KLF12: variants seen among roughly 807,000 people sequenced by gnomAD.
KLF12 encodes the protein Krueppel-like factor 12.
Under a neutral mutation model 37.8 loss-of-function variants are expected in KLF12, and 9 were observed. That is an observed-to-expected ratio of 0.24 (90% CI 0.14 to 0.42). The LOEUF (loss-of-function observed/expected upper bound fraction) is 0.42. Ranked by LOEUF, KLF12 falls within the 10% of genes least tolerant of loss-of-function variation. The pLI, the probability that KLF12 is intolerant of heterozygous loss-of-function variation, is 1.00. For synonymous variants in KLF12, 208 were observed against 202.1 expected (o/e 1.03, Z -0.25); for missense variants, 411 against 516.0 (o/e 0.80, Z 1.97).
At chr13:74,110,812 T>C (rs1297718250) in intron 1 of KLF12, among the ~76,000 whole-genome samples, 1 of 152,174 alleles carries the variant, frequency 6.6e-6, no homozygotes, top group East Asian at 1.9e-4. Context: ...CAAGGGTTTG[T>C]AATCTGCAAA....
chr13:74,175,016 C>A, the KLF12 span, among the ~76,000 whole-genome samples: 7 of 152,290 alleles, frequency 4.6e-5, no homozygotes, highest in Admixed American at 1.3e-4. Flanking sequence ...ACCACAGCAC[C>A]CTACAACTCA....
intron 1 of KLF12, among the ~76,000 whole-genome samples, chr13:74,063,651 C>T (rs150139477): frequency 1.2e-3 from 188 of 152,190 alleles, no homozygotes; most frequent in African/African-American, 4.1e-3. Flanking sequence ...CCTTTAAAGG[C>T]AATGTCCTGT....
At chr13:73,711,926 A>G (rs1366987072) in intron 7 of KLF12, among the ~76,000 whole-genome samples, 1 of 152,214 alleles carries the variant, frequency 6.6e-6, no homozygotes, top group African/African-American at 2.4e-5. Context: ...ATAAGTCAAA[A>G]ATCAACATGA....
intron 3 of KLF12, among the ~76,000 whole-genome samples, chr13:73,883,511 A>C (rs2138967337): frequency 6.6e-6 from 1 of 152,306 alleles, no homozygotes; most frequent in Admixed American, 6.5e-5. Flanking sequence ...CCTAAGATCA[A>C]GCACAAAAGG....
chr13:73,829,982 G>C (rs1310442221), intron 4 of KLF12, among the ~76,000 whole-genome samples: 1 of 152,160 alleles, frequency 6.6e-6, no homozygotes. Flanking sequence ...TGTAAATTAT[G>C]ATTGAAAGGA....
the KLF12 span, among the ~76,000 whole-genome samples, chr13:74,194,502 A>ACT: frequency 9.2e-5 from 14 of 152,192 alleles, no homozygotes; most frequent in Admixed American, 8.5e-4. Flanking sequence ...CTCATAGGGC[A>ACT]GGAGGGAGGA....
the KLF12 span, among the ~76,000 whole-genome samples, chr13:74,204,815 G>A: frequency 9.5e-3 from 1,440 of 152,222 alleles, 10 homozygotes; most frequent in Non-Finnish European, 0.016. Flanking sequence ...TCATCACTGC[G>A]TATTTGGGAT....
chr13:74,014,696 C>T (rs1405227380), intron 1 of KLF12, among the ~76,000 whole-genome samples: 1 of 152,178 alleles, frequency 6.6e-6, no homozygotes, highest in Non-Finnish European at 1.5e-5. Context: ...ATTTTCAGTG[C>T]CTTCGCAGTT....
chr13:73,786,196 T>C (rs953079772), intron 5 of KLF12, among the ~76,000 whole-genome samples: 6 of 152,078 alleles, frequency 3.9e-5, no homozygotes, highest in Non-Finnish European at 8.8e-5. Context: ...GTGGCAGAGG[T>C]GTTTTGCTAG....
the KLF12 span, among the ~76,000 whole-genome samples, chr13:74,244,904 C>A: frequency 6.6e-6 from 1 of 152,136 alleles, no homozygotes; most frequent in African/African-American, 2.4e-5. Context: ...TAGGGAACCA[C>A]TGGTGGATTT....
Position 73,964,594 on chromosome 13 carries a change from T to C in KLF12, c.34-20524A>G, listed in dbSNP as rs1219393762. Reference sequence around the variant, plus strand: ...ACCATCCTGGCTAACATGGTGAAACTCCGTCTCTACTTAAAAAAAAAAAAA... The same window carrying C: ...ACCATCCTGGCTAACATGGTGAAACCCCGTCTCTACTTAAAAAAAAAAAAA... On this transcript the variant is annotated intron_variant, in intron 2 of 7. Transcript: ENST00000377669. Among the ~76,000 whole-genome samples, 33 of 128,364 alleles carry C rather than the reference T, an allele frequency of 2.6e-4. 1 individual carries two copies. In the East Asian group the frequency reaches 3.3e-3, roughly 13 times the overall value. 84.2% of individuals were successfully genotyped at this position (128,364 alleles called of 152,430 possible).
chr13:74,208,508 T>G, the KLF12 span, among the ~76,000 whole-genome samples: 6 of 152,206 alleles, frequency 3.9e-5, no homozygotes, highest in Non-Finnish European at 4.4e-5. Context: ...GAAATGATAT[T>G]ATAATAGCAA....
At chr13:74,245,316 TCTATCTATCTA>T in the KLF12 span, among the ~76,000 whole-genome samples, 7 of 151,268 alleles carry the variant, frequency 4.6e-5, no homozygotes, top group African/African-American at 1.7e-4. Context: ...TATCTATCTA[TCTATCTATCTA>T]TCTATCTATC....
rs189170726 is a variant in KLF12, at chr13:73,830,231, G to A, written c.670+15596C>T. Among the ~76,000 whole-genome samples, 20 of 152,278 alleles carry A rather than the reference G, an allele frequency of 1.3e-4. No homozygotes were observed. The Middle Eastern group carries it at 0.014, about 104-fold the overall frequency. On this transcript the variant is annotated intron_variant, in intron 4 of 7. Coordinates refer to ENST00000377669, the MANE Select transcript of KLF12 (RefSeq NM_007249.5). ...ATTTGTTAGATGATAAATGGGTAATGATCTACTATAACCATAACTTCCAGA... is the reference window on the plus strand; with the variant it reads ...ATTTGTTAGATGATAAATGGGTAATAATCTACTATAACCATAACTTCCAGA...
the KLF12 span, among the ~76,000 whole-genome samples, chr13:74,166,155 C>T: frequency 5.3e-4 from 76 of 143,628 alleles, no homozygotes; most frequent in African/African-American, 1.9e-3. Context: ...AGCAGTGGCG[C>T]GATCCCAGCT....
the KLF12 span, among the ~76,000 whole-genome samples, chr13:74,148,207 C>T: frequency 6.6e-6 from 1 of 151,912 alleles, no homozygotes; most frequent in East Asian, 1.9e-4. Context: ...GAGCCACCAC[C>T]CCCGGCCTGT....
chr13:73,930,612 C>T (rs947813681), intron 3 of KLF12, among the ~76,000 whole-genome samples: 2 of 152,078 alleles, frequency 1.3e-5, no homozygotes, highest in African/African-American at 4.8e-5. Context: ...TAAGGAAAGA[C>T]ACACATGATA....
chr13:74,180,080 T>A, the KLF12 span, among the ~76,000 whole-genome samples: 1 of 152,214 alleles, frequency 6.6e-6, no homozygotes, highest in African/African-American at 2.4e-5. Flanking sequence ...TCTGGCACAT[T>A]CCTTGGCTGT....
chr13:73,756,778 T>C (rs1879196408), intron 6 of KLF12, among the ~76,000 whole-genome samples: 1 of 152,110 alleles, frequency 6.6e-6, no homozygotes, highest in South Asian at 2.1e-4. Flanking sequence ...GGACCAATCA[T>C]ACTCTAGCTT....
Sources: allele counts gnomAD v4.1 joint callset (sites outside exome capture counted in the v4.1 genomes callset), GRCh38; gene constraint gnomAD v4.1.1; transcripts MANE v1.5; gene names NCBI Gene and HGNC (gene_info 2026-07-23, HGNC 2026-07-21).